Variants in KCNH7 observed in about 807,000 individuals in gnomAD.
KCNH7 encodes voltage-gated inwardly rectifying potassium channel KCNH7.
KCNH7 carries 49 observed loss-of-function variants against 120.8 expected under a neutral mutation model. The ratio of observed to expected loss-of-function variants is 0.41; its 90% confidence interval spans 0.32 to 0.51. The LOEUF is 0.51. Ranked by LOEUF, KCNH7 falls within the 20% of genes least tolerant of loss-of-function variation. The pLI, the probability that KCNH7 is intolerant of heterozygous loss-of-function variation, is 0.38. For synonymous variants in KCNH7, 547 were observed against 516.1 expected (o/e 1.06, Z -0.81); for missense variants, 1,097 against 1,446.6 (o/e 0.76, Z 3.92).
At chr2:162,694,805 G>A (rs911997661) in intron 2 of KCNH7, among the ~76,000 whole-genome samples, 6 of 151,444 alleles carry the variant, frequency 4.0e-5, no homozygotes, top group African/African-American at 9.7e-5. Flanking sequence ...GTGCAGTGGC[G>A]TGATCTCGGG....
chr2:162,668,902 T>C (rs1256569845), intron 2 of KCNH7, among the ~76,000 whole-genome samples: 2 of 152,162 alleles, frequency 1.3e-5, no homozygotes, highest in Admixed American at 6.5e-5. Flanking sequence ...AACAGTCTTA[T>C]GGAAATTAGA....
At chr2:162,628,366 G>A (rs1001844882) in intron 2 of KCNH7, among the ~76,000 whole-genome samples, 1 of 152,194 alleles carries the variant, frequency 6.6e-6, no homozygotes, top group Admixed American at 6.6e-5. Context: ...CTTAGTTTCT[G>A]ATGCCTTACC....
intron 2 of KCNH7, among the ~76,000 whole-genome samples, chr2:162,823,467 T>C (rs938831357): frequency 6.6e-6 from 1 of 152,142 alleles, no homozygotes; most frequent in Admixed American, 6.5e-5. Flanking sequence ...ATTTAAAAAT[T>C]CCAGGATCTG....
chr2:162,682,906 A>G (rs1249435453), intron 2 of KCNH7, among the ~76,000 whole-genome samples: 1 of 151,892 alleles, frequency 6.6e-6, no homozygotes, highest in Non-Finnish European at 1.5e-5. Flanking sequence ...TTTCTCAATC[A>G]ATACAACTGA....
At chr2:162,741,161 T>C (rs889451207) in intron 2 of KCNH7, among the ~76,000 whole-genome samples, 1 of 151,594 alleles carries the variant, frequency 6.6e-6, no homozygotes, top group Non-Finnish European at 1.5e-5. Flanking sequence ...CATAGTGATA[T>C]GCTAGCATTA....
At chr2:162,372,844 C>G (rs1180396594) in intron 15 of KCNH7, among the ~76,000 whole-genome samples, 1 of 152,104 alleles carries the variant, frequency 6.6e-6, no homozygotes, top group Non-Finnish European at 1.5e-5. Flanking sequence ...TAACATAATT[C>G]AAAAGGACCC....
At chr2:162,666,382 T>G (rs1685133819) in intron 2 of KCNH7, among the ~76,000 whole-genome samples, 1 of 146,592 alleles carries the variant, frequency 6.8e-6, no homozygotes, top group African/African-American at 2.5e-5. Flanking sequence ...CCCCACAACT[T>G]CCTTCCTAAA....
chr2:162,458,365 G>C (rs975130968), intron 6 of KCNH7, among the ~76,000 whole-genome samples: 1 of 151,898 alleles, frequency 6.6e-6, no homozygotes, highest in Non-Finnish European at 1.5e-5. Context: ...GTTTCTTCCA[G>C]AGCCATAAAC....
At chr2:162,524,291 TCC>T in intron 3 of KCNH7, among the ~76,000 whole-genome samples, 1 of 152,130 alleles carries the variant, frequency 6.6e-6, no homozygotes, top group Admixed American at 6.5e-5. Context: ...GGCCTTTGCA[TCC>T]CTGTATCTAC....
At chr2:162,630,581 G>C (rs1377570193) in intron 2 of KCNH7, among the ~76,000 whole-genome samples, 1 of 152,066 alleles carries the variant, frequency 6.6e-6, no homozygotes, top group Non-Finnish European at 1.5e-5. Context: ...TTCCTAAAAA[G>C]ATAGTTGTTT....
At chr2:162,655,061 AC>A (rs1243767854) in intron 2 of KCNH7, among the ~76,000 whole-genome samples, 2 of 152,190 alleles carry the variant, frequency 1.3e-5, no homozygotes, top group Non-Finnish European at 2.9e-5. Flanking sequence ...GATCTACTGT[AC>A]AATTAGGTGA....
chr2:162,499,929 A>G (rs1361828001), intron 6 of KCNH7, among the ~76,000 whole-genome samples: 7 of 152,070 alleles, frequency 4.6e-5, no homozygotes, highest in African/African-American at 1.2e-4. Context: ...CAAACTCCCA[A>G]TGTAGCTAAG....
At chr2:162,545,746 C>T (rs941822677) in intron 2 of KCNH7, among the ~76,000 whole-genome samples, 1 of 152,088 alleles carries the variant, frequency 6.6e-6, no homozygotes, top group African/African-American at 2.4e-5. Context: ...GGTTTTATAA[C>T]ATAAAAGACC....
At chr2:162,616,724 G>C (rs535099472) in intron 2 of KCNH7, among the ~76,000 whole-genome samples, 3 of 152,312 alleles carry the variant, frequency 2.0e-5, no homozygotes, top group Non-Finnish European at 2.9e-5. Flanking sequence ...AAAGTCATTA[G>C]AGTTTGCTTC....
chr2:162,518,155 T>G lies in KCNH7; in HGVS notation c.467A>C (p.Lys156Thr), dbSNP rs1323322666. 42 of 1,606,688 alleles carry G rather than the reference T, an allele frequency of 2.6e-5. No individual in the cohort carries two copies. The highest frequency in any genetic ancestry group is 3.0e-5 in the Non-Finnish European group (35 of 1,175,624). Residue 156 changes from lysine (K) to threonine (T), a missense_variant, in exon 4 of 16, where the codon AAA becomes ACA. By Grantham distance (78) the Lys-to-Thr change is moderately conservative. Around this residue, in one of 8 missense-constraint regions of KCNH7, gnomAD observed 362 missense variants for 372.2 expected, o/e 0.97. Coordinates refer to ENST00000332142, the MANE Select transcript of KCNH7 (RefSeq NM_033272.4). ...ACCAGGGAATTTGAACCCAAAAAATTTCCCTATAAATGGAGACAGGAGAGA... is the reference window on the plus strand; with the variant it reads ...ACCAGGGAATTTGAACCCAAAAAATGTCCCTATAAATGGAGACAGGAGAGA... ...PILPIKTVNRKFFGFKFPGLR... is the reference protein window; with the variant it reads ...PILPIKTVNRTFFGFKFPGLR...
At chr2:162,466,967 G>A (rs1689330966) in intron 6 of KCNH7, among the ~76,000 whole-genome samples, 1 of 152,178 alleles carries the variant, frequency 6.6e-6, no homozygotes, top group Non-Finnish European at 1.5e-5. Flanking sequence ...CTGTTCTTGA[G>A]GGAATGAGTG....
intron 2 of KCNH7, among the ~76,000 whole-genome samples, chr2:162,546,645 G>C (rs987196792): frequency 6.6e-6 from 1 of 152,106 alleles, no homozygotes; most frequent in Non-Finnish European, 1.5e-5. Context: ...TATGACTGTC[G>C]AAAGGAACCA....
chr2:162,400,364 T>C lies in KCNH7; in HGVS notation c.2232A>G (p.Lys744=), dbSNP rs1687034334. The C allele has an allele frequency of 6.2e-6, 10 of 1,612,430 alleles. No homozygotes were observed. Among genetic ancestry groups the C allele is most frequent in the Admixed American group, 1.7e-5 (1 of 59,816 alleles). ...AACCTTTACTTGCCCCCCGAAAGGCTTTGCAGTTTTGCAGCAATGTCTGGT... is the reference window on the plus strand; with the variant it reads ...AACCTTTACTTGCCCCCCGAAAGGCCTTGCAGTTTTGCAGCAATGTCTGGT... ...HLNQTLLQNC[K]AFRGASKGCL... is the part of the protein sequence containing the mutation. The change falls in exon 10 of 16, where the codon AAA becomes AAG. Residue 744 remains lysine (K), a synonymous_variant. Coordinates refer to ENST00000332142, the MANE Select transcript of KCNH7 (RefSeq NM_033272.4).
chr2:162,569,077 T>G (rs1693367659), intron 2 of KCNH7, among the ~76,000 whole-genome samples: 1 of 152,120 alleles, frequency 6.6e-6, no homozygotes, highest in African/African-American at 2.4e-5. Context: ...TCTTTTTCTA[T>G]TGATTGGAAT....
Sources: allele counts gnomAD v4.1 joint callset (sites outside exome capture counted in the v4.1 genomes callset), GRCh38; gene constraint gnomAD v4.1.1; regional missense constraint gnomAD v4.1.1; transcripts MANE v1.5; gene names NCBI Gene and HGNC (gene_info 2026-07-23, HGNC 2026-07-21).